Variants in LGR5 observed in about 807,000 individuals in gnomAD.
LGR5 encodes the protein leucine-rich repeat-containing G protein-coupled receptor 5.
A neutral mutation model predicts 76.7 loss-of-function variants in LGR5; 54 were observed. The ratio of observed to expected loss-of-function variants is 0.70; its 90% CI spans 0.57 to 0.88. LGR5 has a LOEUF of 0.88. Ranked by LOEUF, LGR5 falls within the 40% of genes least tolerant of loss-of-function variation. The probability of loss-of-function intolerance (pLI) is 0.00; values close to 1 mark genes in which losing one functional copy is unlikely to be tolerated. For synonymous variants in LGR5, 406 were observed against 421.9 expected (o/e 0.96, Z 0.46); for missense variants, 1,078 against 1,073.3 (o/e 1.00, Z -0.06).
At chr12:71,548,052 T>C (rs1282822149) in intron 4 of LGR5, among the ~76,000 whole-genome samples, 1 of 152,152 alleles carries the variant, frequency 6.6e-6, no homozygotes, top group Non-Finnish European at 1.5e-5. Context: ...CATTTCAAGA[T>C]CACAATTAAG....
chr12:71,497,815 G>C (rs1249433042), intron 1 of LGR5, among the ~76,000 whole-genome samples: 3 of 152,140 alleles, frequency 2.0e-5, no homozygotes, highest in Non-Finnish European at 2.9e-5. Context: ...GACTGTGGCA[G>C]AGATTAAAGA....
intron 1 of LGR5, among the ~76,000 whole-genome samples, chr12:71,484,930 A>G: frequency 6.6e-6 from 1 of 152,218 alleles, no homozygotes; most frequent in East Asian, 1.9e-4. Flanking sequence ...TTAACATGCT[A>G]TTAATATAAC....
chr12:71,455,400 G>A (rs1730232826), intron 1 of LGR5, among the ~76,000 whole-genome samples: 1 of 152,078 alleles, frequency 6.6e-6, no homozygotes, highest in African/African-American at 2.4e-5. Flanking sequence ...GGTGTAGCAG[G>A]ATTGTAGAAA....
intron 4 of LGR5, among the ~76,000 whole-genome samples, chr12:71,537,280 C>A (rs1876643235): frequency 6.6e-6 from 1 of 151,036 alleles, no homozygotes; most frequent in African/African-American, 2.4e-5. Flanking sequence ...CATAGTGAGA[C>A]ACCCCCACTG....
At chr12:71,448,720 T>A (rs924904413) in intron 1 of LGR5, 4 of 152,246 alleles carry the variant, frequency 2.6e-5, no homozygotes, top group Non-Finnish European at 5.9e-5. Context: ...TTATATTCCT[T>A]AATGAACTAT....
Position 71,559,535 on chromosome 12 carries a change from A to G in LGR5, c.717-51A>G, listed in dbSNP as rs562828107. On this transcript the variant is annotated intron_variant, in intron 6 of 17. Coordinates refer to ENST00000266674, the MANE Select transcript of LGR5 (RefSeq NM_003667.4). ...TGTTAACTTTCCTTGTAAATAGAGT[A>G]TATATGAAGTTTTAAATAAAAAACT... is the stretch of plus-strand genomic sequence containing the variant. The G allele has an allele frequency of 3.1e-4, 296 of 964,606 alleles. No homozygotes were observed. The East Asian group carries it at 6.3e-3, about 21-fold the overall frequency. 59.8% of individuals were successfully genotyped at this position (964,606 alleles called of 1,614,324 possible).
intron 1 of LGR5, among the ~76,000 whole-genome samples, chr12:71,481,492 A>G (rs965834708): frequency 5.3e-5 from 8 of 152,252 alleles, no homozygotes; most frequent in African/African-American, 1.9e-4. Flanking sequence ...TATTCAGTCT[A>G]TCATTGATGG....
intron 4 of LGR5, among the ~76,000 whole-genome samples, chr12:71,549,523 G>A (rs1362167601): frequency 6.6e-6 from 1 of 152,134 alleles, no homozygotes; most frequent in African/African-American, 2.4e-5. Context: ...ATTTTACAAT[G>A]TATACATATA....
At chr12:71,520,915 T>A (rs1429126715) in intron 2 of LGR5, among the ~76,000 whole-genome samples, 2 of 151,612 alleles carry the variant, frequency 1.3e-5, no homozygotes, top group African/African-American at 4.9e-5. Flanking sequence ...AGGAAAATTT[T>A]AAAAATGCTA....
intron 15 of LGR5, 144 bp downstream of exon 15, chr12:71,579,073 T>A (rs1286939820): frequency 1.5e-6 from 1 of 662,080 alleles, no homozygotes; most frequent in Non-Finnish European, 2.3e-6. Context: ...CCTGGAGCAT[T>A]GTTAGGACAA....
chr12:71,571,643 G>A, intron 12 of LGR5, 64 bp downstream of exon 12: 1 of 1,208,420 alleles, frequency 8.3e-7, no homozygotes, highest in Non-Finnish European at 1.2e-6. Context: ...ATTTCTCAGG[G>A]TCACTGGTTC....
At chr12:71,505,671 A>G (rs1201230254) in intron 2 of LGR5, among the ~76,000 whole-genome samples, 1 of 152,226 alleles carries the variant, frequency 6.6e-6, no homozygotes, top group East Asian at 1.9e-4. Flanking sequence ...TCTCAAGAGA[A>G]TAAGAGGATA....
chr12:71,546,593 T>A (rs1248083112), intron 4 of LGR5, among the ~76,000 whole-genome samples: 3 of 152,052 alleles, frequency 2.0e-5, no homozygotes, highest in African/African-American at 7.2e-5. Flanking sequence ...TCTCTCATAG[T>A]AGGCCCTTCC....
chr12:71,530,088 TC>T (rs1187695291), intron 3 of LGR5, among the ~76,000 whole-genome samples: 3 of 152,212 alleles, frequency 2.0e-5, no homozygotes, highest in Admixed American at 2.0e-4. Flanking sequence ...TTCTTATATT[TC>T]TTCTTTATAA....
Position 71,565,635 on chromosome 12 carries a change from G to A in LGR5, c.858-769G>A, listed in dbSNP as rs115579238. ...CCCCCAGCATCTAGTATAATGCCAA[G>A]TCCAAAGTAGTTACCCAATGACAGC... is the stretch of plus-strand genomic sequence containing the variant. On this transcript the variant is annotated intron_variant, in intron 8 of 17. Coordinates refer to ENST00000266674, the MANE Select transcript of LGR5 (RefSeq NM_003667.4). 2.6e-3 allele frequency among the ~76,000 whole-genome samples: 391 copies of A among 150,176 alleles called. 1 individual carries two copies. The highest frequency in any genetic ancestry group is 9.0e-3 in the African/African-American group (365 of 40,742).
upstream of LGR5, among the ~76,000 whole-genome samples, chr12:71,439,417 C>T (rs1047955039): frequency 3.9e-5 from 6 of 152,260 alleles, no homozygotes; most frequent in South Asian, 2.1e-4. Flanking sequence ...TTGAAGCGGG[C>T]TCGGAGGAAA....
chr12:71,502,789 C>G (rs1295000003), intron 1 of LGR5, among the ~76,000 whole-genome samples: 1 of 152,130 alleles, frequency 6.6e-6, no homozygotes. Flanking sequence ...AGCCTCACTT[C>G]CAGGTGCTTG....
At chr12:71,504,152 A>T (rs552591833) in intron 1 of LGR5, among the ~76,000 whole-genome samples, 32 of 150,978 alleles carry the variant, frequency 2.1e-4, no homozygotes, top group South Asian at 1.5e-3. Context: ...TTGTTGTTTT[A>T]AATTTCTTTG....
In LGR5 at chr12:71,553,241, C is replaced by T; in HGVS notation, c.597C>T (p.His199=). The change falls in exon 5 of 18, where the codon CAC becomes CAT. Residue 199 remains histidine, a synonymous_variant. Coordinates refer to ENST00000266674, the MANE Select transcript of LGR5 (RefSeq NM_003667.4). The stretch of plus-strand genomic sequence containing the variant: ...TGACCTTGGCCCTGAACAAAATACA[C>T]CACATACCAGACTATGCCTTTGGAA... ...QAMTLALNKI[H]HIPDYAFGNL... The T allele has an allele frequency of 6.2e-7, 1 of 1,613,958 alleles. No homozygotes were observed. The highest frequency in any genetic ancestry group is 1.1e-5 in the South Asian group (1 of 91,070).
Sources: gnomAD v4.1 joint callset for allele counts (sites outside exome capture counted in the v4.1 genomes callset) on GRCh38, gnomAD v4.1.1 for gene constraint, MANE v1.5 for transcripts, NCBI Gene and HGNC (gene_info 2026-07-23, HGNC 2026-07-21) for gene names.